The following AGMO variants were observed in gnomAD, a reference collection of about 807,000 sequenced individuals.
The protein encoded by AGMO is glyceryl-ether monooxygenase.
Under a neutral mutation model 60.2 loss-of-function variants are expected in AGMO, and 75 were observed. The observed-to-expected ratio is 1.25, with a 90% CI of 1.03 to 1.51. AGMO has a LOEUF of 1.51. Ranked by LOEUF, AGMO falls within the 40% of genes most tolerant of loss-of-function variation. AGMO has a pLI of 0.00. For synonymous variants in AGMO, 261 were observed against 177.1 expected (o/e 1.47, Z -3.76); for missense variants, 763 against 525.5 (o/e 1.45, Z -4.42).
chr7:15,504,176 C>T (rs1388789753), intron 3 of AGMO, among the ~76,000 whole-genome samples: 3 of 151,890 alleles, frequency 2.0e-5, no homozygotes, highest in Non-Finnish European at 4.4e-5. Context: ...TATTTTCTGA[C>T]CCAGCATACC....
intron 12 of AGMO, among the ~76,000 whole-genome samples, chr7:15,310,225 T>C (rs984703939): frequency 6.6e-6 from 1 of 152,160 alleles, no homozygotes; most frequent in Non-Finnish European, 1.5e-5. Flanking sequence ...AATGCAAAAG[T>C]GCTCAAAAAA....
At chr7:15,351,732 T>C (rs2128554032) in intron 12 of AGMO, among the ~76,000 whole-genome samples, 1 of 152,310 alleles carries the variant, frequency 6.6e-6, no homozygotes, top group African/African-American at 2.4e-5. Context: ...AAAATAAATT[T>C]ATAGCAGCTT....
At chr7:15,421,897 G>A (rs1296221603) in intron 4 of AGMO, among the ~76,000 whole-genome samples, 1 of 152,116 alleles carries the variant, frequency 6.6e-6, no homozygotes, top group Non-Finnish European at 1.5e-5. Flanking sequence ...GCAACTCTAT[G>A]AGAAGTCAGA....
intron 4 of AGMO, among the ~76,000 whole-genome samples, chr7:15,426,858 T>C (rs1781079610): frequency 6.6e-6 from 1 of 152,028 alleles, no homozygotes; most frequent in South Asian, 2.1e-4. Context: ...TATGGCATGG[T>C]AGATTGAGAG....
chr7:15,368,664 GT>G (rs775922480), intron 10 of AGMO, among the ~76,000 whole-genome samples: 1 of 152,076 alleles, frequency 6.6e-6, no homozygotes, highest in African/African-American at 2.4e-5. Context: ...TAGTATTATT[GT>G]TACTATGTTC....
chr7:15,395,818 C>CTTTT (rs1259270646), intron 5 of AGMO, among the ~76,000 whole-genome samples: 1 of 152,166 alleles, frequency 6.6e-6, no homozygotes, highest in African/African-American at 2.4e-5. Flanking sequence ...ATACAAAACT[C>CTTTT]TTTATCTAGG....
chr7:15,181,649 C>T, the AGMO span, among the ~76,000 whole-genome samples: 2 of 152,104 alleles, frequency 1.3e-5, no homozygotes, highest in Non-Finnish European at 2.9e-5. Flanking sequence ...TGAAGCCCTC[C>T]ATTATTCCTT....
intron 12 of AGMO, among the ~76,000 whole-genome samples, chr7:15,344,069 TA>T (rs886624846): frequency 6.6e-6 from 1 of 152,174 alleles, no homozygotes; most frequent in Non-Finnish European, 1.5e-5. Flanking sequence ...TGATATAAAT[TA>T]AAATGTAAAA....
At chr7:15,522,458 G>A (rs1417402457) in intron 3 of AGMO, among the ~76,000 whole-genome samples, 1 of 152,090 alleles carries the variant, frequency 6.6e-6, no homozygotes, top group Non-Finnish European at 1.5e-5. Context: ...TATACTACAA[G>A]GCTAAAGTAA....
intron 3 of AGMO, among the ~76,000 whole-genome samples, chr7:15,490,960 T>C (rs2128520781): frequency 6.6e-6 from 1 of 152,334 alleles, no homozygotes; most frequent in African/African-American, 2.4e-5. Context: ...CAAGCATGAA[T>C]ATTTTGTTAA....
At chr7:15,550,169 G>T (rs953025760) in intron 2 of AGMO, among the ~76,000 whole-genome samples, 1 of 151,398 alleles carries the variant, frequency 6.6e-6, no homozygotes. Flanking sequence ...TCAAAGCAGT[G>T]TGTAGAGGGA....
At chr7:15,501,482 A>T (rs1783384178) in intron 3 of AGMO, among the ~76,000 whole-genome samples, 2 of 148,644 alleles carry the variant, frequency 1.3e-5, no homozygotes, top group Admixed American at 6.8e-5. Context: ...AATTTTTATT[A>T]AAAAAAAAAT....
rs146035666 is a variant in AGMO at position 15,287,631 on chromosome 7, A to G, written c.1263+77883T>C. On this transcript the variant is annotated intron_variant, in intron 12 of 12. Transcript: ENST00000342526. The stretch of plus-strand genomic sequence containing the variant: ...TATATTTTAAAAGTGAGTTGTATCA[A>G]TTTAATCCAAAACACACTGAGAATT... 9.2e-4 allele frequency among the ~76,000 whole-genome samples: 140 copies of G among 152,326 alleles called. 1 individual carries two copies. In the East Asian group the frequency reaches 0.022, roughly 24 times the overall value.
chr7:15,225,444 A>G (rs1164232512), intron 12 of AGMO, among the ~76,000 whole-genome samples: 2 of 151,986 alleles, frequency 1.3e-5, no homozygotes, highest in African/African-American at 4.8e-5. Context: ...AAATCCCTTT[A>G]AAATTATAGT....
At chr7:15,166,632 A>T in the AGMO span, among the ~76,000 whole-genome samples, 1 of 152,174 alleles carries the variant, frequency 6.6e-6, no homozygotes, top group Non-Finnish European at 1.5e-5. Flanking sequence ...AAAGGGGGAA[A>T]AGTAGAGAAA....
At chr7:15,368,602 T>C (rs761570793) in intron 10 of AGMO, among the ~76,000 whole-genome samples, 3 of 152,168 alleles carry the variant, frequency 2.0e-5, no homozygotes, top group South Asian at 2.1e-4. Flanking sequence ...TCTTATTAAA[T>C]ACTTAAAAGA....
At chr7:15,338,905 T>A (rs1258170774) in intron 12 of AGMO, among the ~76,000 whole-genome samples, 1 of 152,204 alleles carries the variant, frequency 6.6e-6, no homozygotes, top group Non-Finnish European at 1.5e-5. Context: ...CCTTAAACAA[T>A]GTGGACAGTA....
intron 2 of AGMO, among the ~76,000 whole-genome samples, chr7:15,546,894 G>T (rs1163310745): frequency 6.6e-6 from 1 of 152,154 alleles, no homozygotes; most frequent in Non-Finnish European, 1.5e-5. Flanking sequence ...ATTCTTTGTT[G>T]GAAGAGGCTG....
rs116275028 is a variant in AGMO at position 15,237,243 on chromosome 7, T to C, written c.1264-35884A>G. On this transcript the variant is annotated intron_variant, in intron 12 of 12. Transcript: ENST00000342526. ...TAAGTGTGCGTGGAGAAATTGTGTT[T>C]ACCATGTTATATGTTCTTTCTTCTT... Among the ~76,000 whole-genome samples the C allele has an allele frequency of 2.2e-3, 335 of 152,268 alleles. 1 individual carries two copies. Among genetic ancestry groups the C allele is most frequent in the African/African-American group, 7.6e-3 (317 of 41,570 alleles).
Sources: allele counts gnomAD v4.1 joint callset (sites outside exome capture counted in the v4.1 genomes callset), GRCh38; gene constraint gnomAD v4.1.1; transcripts MANE v1.5; gene names NCBI Gene and HGNC (gene_info 2026-07-23, HGNC 2026-07-21).